KIF13A: variants seen among roughly 807,000 people sequenced by gnomAD.
KIF13A encodes kinesin-like protein KIF13A.
Under a neutral mutation model 212.2 loss-of-function variants are expected in KIF13A, and 79 were observed. The observed-to-expected ratio is 0.37, with a 90% CI of 0.31 to 0.45. KIF13A has a LOEUF of 0.45. Among genes scored for constraint, KIF13A ranks in the 20% least tolerant of loss-of-function variants. The pLI, the probability that KIF13A is intolerant of heterozygous loss-of-function variation, is 1.00. For synonymous variants in KIF13A, 789 were observed against 808.6 expected (o/e 0.98, Z 0.41); for missense variants, 1,901 against 2,209.0 (o/e 0.86, Z 2.79).
chr6:17,878,298 C>T (rs928808296), intron 3 of KIF13A, among the ~76,000 whole-genome samples: 8 of 152,160 alleles, frequency 5.3e-5, no homozygotes, highest in Admixed American at 2.6e-4. Flanking sequence ...CCTGTGTGTT[C>T]AAGGACTGTG....
At chr6:17,979,779 A>G (rs1780892799) in intron 2 of KIF13A, among the ~76,000 whole-genome samples, 2 of 151,794 alleles carry the variant, frequency 1.3e-5, no homozygotes, top group South Asian at 4.2e-4. Context: ...AAAAAAAAAA[A>G]GAGAGACTAA....
intron 3 of KIF13A, chr6:17,881,498 C>T (rs1184308436): frequency 2.3e-6 from 1 of 430,084 alleles, no homozygotes. Flanking sequence ...AGATCGAGAC[C>T]ATCCTGGCCA....
At chr6:17,790,880 A>G (rs928421377) in intron 25 of KIF13A, among the ~76,000 whole-genome samples, 3 of 152,350 alleles carry the variant, frequency 2.0e-5, no homozygotes, top group Non-Finnish European at 1.5e-5. Flanking sequence ...TGAAAGAATC[A>G]TAACTGTCCC....
Position 17,776,435 on chromosome 6 carries a change from C to T in KIF13A, c.4170+842G>A, listed in dbSNP as rs1309054836. ...TACATCCTAATTTCCATCATAATTT[C>T]TTCTTTGAGAAATGAGTTCATGAAA... On this transcript the variant is annotated intron_variant, in intron 34 of 38. Coordinates refer to ENST00000259711, the MANE Select transcript of KIF13A (RefSeq NM_022113.6). The surrounding 1 kb of genome is among the most constrained non-coding windows in gnomAD (Gnocchi z 4.6). Among the ~76,000 whole-genome samples the T allele has an allele frequency of 1.3e-5, 2 of 152,138 alleles. No homozygotes were observed. The highest frequency in any genetic ancestry group is 1.3e-4 in the Admixed American group (2 of 15,274).
In KIF13A at chr6:17,785,994, C is replaced by T. The variant is rs1275788192; in HGVS notation, c.3362-353G>A. On this transcript the variant is annotated intron_variant, in intron 27 of 38. Coordinates refer to ENST00000259711, the MANE Select transcript of KIF13A (RefSeq NM_022113.6). This position sits in a 1 kb window ranked among gnomAD's most constrained non-coding sequence, Gnocchi z 5.8. The stretch of plus-strand genomic sequence containing the variant: ...AAGTGGTTTAACCATCCACTATGTC[C>T]CTAAAATGGATTTGAGTCTTTGAAG... Among the ~76,000 whole-genome samples the T allele has an allele frequency of 6.6e-6, 1 of 152,136 alleles. No individual in the cohort carries two copies. Among genetic ancestry groups the T allele is most frequent in the Non-Finnish European group, 1.5e-5 (1 of 68,024 alleles).
At position 17,768,088 on chromosome 6, in the gene KIF13A, T is replaced by C. The variant is rs969213459; in HGVS notation, c.4581+3026A>G. On this transcript the variant is annotated intron_variant, in intron 38 of 38. Coordinates refer to ENST00000259711, the MANE Select transcript of KIF13A (RefSeq NM_022113.6). This position sits in a 1 kb window ranked among gnomAD's most constrained non-coding sequence, Gnocchi z 5.4. ...CCAATACTTAAAAGGAGATTGAATG[T>C]TTATTGAGTTATTGCCAATTAAGGG... Among the ~76,000 whole-genome samples the C allele has an allele frequency of 1.3e-5, 2 of 152,218 alleles. No individual in the cohort carries two copies. Among genetic ancestry groups the C allele is most frequent in the Admixed American group, 1.3e-4 (2 of 15,280 alleles).
chr6:17,955,202 G>A (rs1435021762), intron 2 of KIF13A, among the ~76,000 whole-genome samples: 2 of 152,160 alleles, frequency 1.3e-5, no homozygotes, highest in African/African-American at 4.8e-5. Context: ...TAATCTCCTT[G>A]ATGTACAAAC....
rs912290548 is a variant in KIF13A at position 17,900,841 on chromosome 6, G to A, written c.147-2661C>T. ...CACCTGTAATCCCAGCACTTTGGGA[G>A]GCTGAGGCAGGCGGATCACAAGTTC... On this transcript the variant is annotated intron_variant, in intron 2 of 38. Transcript: ENST00000259711. The surrounding 1 kb of genome is among the most constrained non-coding windows in gnomAD (Gnocchi z 4.6). Among the ~76,000 whole-genome samples, 3 of 152,138 alleles carry A rather than the reference G, an allele frequency of 2.0e-5. No individual in the cohort carries two copies. The highest frequency in any genetic ancestry group is 7.2e-5 in the African/African-American group (3 of 41,424).
Position 17,796,803 on chromosome 6 carries a change from T to C in KIF13A, c.2808A>G (p.Val936=), listed in dbSNP as rs1762073822. The C allele has an allele frequency of 6.4e-7, 1 of 1,567,928 alleles. No individual in the cohort carries two copies. The highest frequency in any genetic ancestry group is 8.7e-7 in the Non-Finnish European group (1 of 1,154,106). ...FSHCKDYVVN[V]TEEFLEFISD... Reference sequence around the variant, plus strand: ...AAATGAACTCCAGAAATTCTTCTGTTACATTCACCACATAGTCCTGGGATA... The same window carrying C: ...AAATGAACTCCAGAAATTCTTCTGTCACATTCACCACATAGTCCTGGGATA... Residue 936 remains valine (V), a synonymous_variant, in exon 23 of 39, where the codon GTA becomes GTG. Coordinates refer to ENST00000259711, the MANE Select transcript of KIF13A (RefSeq NM_022113.6).
Position 17,763,790 on chromosome 6 carries a change from T to C in KIF13A, c.*320A>G. The C allele has an allele frequency of 1.8e-6, 2 of 1,085,078 alleles. No homozygotes were observed. Among genetic ancestry groups the C allele is most frequent in the South Asian group, 3.2e-5 (1 of 31,034 alleles). The allele number at this position is 1,085,078 out of a possible 1,614,324, so 67.2% of individuals were successfully genotyped here. ...CAAAGGAATCACAGATTTGATGAAA[T>C]ATGGTAGATGCTACCAGAACACTTT... On this transcript the variant is annotated 3_prime_UTR_variant, in exon 39 of 39. Coordinates refer to ENST00000259711, the MANE Select transcript of KIF13A (RefSeq NM_022113.6).
rs1203097936 is a variant in KIF13A, at chr6:17,899,264, TA to T, written c.147-1085del. 6.6e-6 allele frequency among the ~76,000 whole-genome samples: 1 copy of T among 152,130 alleles called. No individual in the cohort carries two copies. The highest frequency in any genetic ancestry group is 1.5e-5 in the Non-Finnish European group (1 of 68,036). ...GACAGTTCTTGGCCTTCCTGATAGT[TA>T]CTCTTGATCAACCTCTGATATCCTC... On this transcript the variant is annotated intron_variant, in intron 2 of 38. Coordinates refer to ENST00000259711, the MANE Select transcript of KIF13A (RefSeq NM_022113.6). The surrounding 1 kb of genome is among the most constrained non-coding windows in gnomAD (Gnocchi z 5.2).
At position 17,899,396 on chromosome 6, in the gene KIF13A, T is replaced by A. The variant is rs1772860067; in HGVS notation, c.147-1216A>T. On this transcript the variant is annotated intron_variant, in intron 2 of 38. Transcript: ENST00000259711. The surrounding 1 kb of genome is among the most constrained non-coding windows in gnomAD (Gnocchi z 5.2). ...GAATCATGGGGCTAAGAAAGTAGAT[T>A]TTCCAGGGCAGAGGGCACGGAAAGG... is the stretch of plus-strand genomic sequence containing the variant. Among the ~76,000 whole-genome samples, 1 of 152,188 alleles carries A rather than the reference T, an allele frequency of 6.6e-6. No homozygotes were observed. The highest frequency in any genetic ancestry group is 2.4e-5 in the African/African-American group (1 of 41,450).
intron 3 of KIF13A, among the ~76,000 whole-genome samples, chr6:17,876,551 C>A (rs1385573203): frequency 1.3e-5 from 2 of 152,166 alleles, no homozygotes; most frequent in African/African-American, 4.8e-5. Context: ...ACTGTTTAGT[C>A]CTTTTTTATG....
At chr6:17,863,192 C>T (rs1285016190) in intron 4 of KIF13A, among the ~76,000 whole-genome samples, 1 of 152,054 alleles carries the variant, frequency 6.6e-6, no homozygotes, top group Non-Finnish European at 1.5e-5. Context: ...ACAGAGGTCC[C>T]ATTTAAAAAA....
rs1207325921 is a variant in KIF13A at position 17,877,022 on chromosome 6, T to C, written c.160-3585A>G. 2.6e-5 allele frequency among the ~76,000 whole-genome samples: 4 copies of C among 151,932 alleles called. No homozygotes were observed. The East Asian group carries it at 5.8e-4, about 22-fold the overall frequency. On this transcript the variant is annotated intron_variant, in intron 3 of 38. Transcript: ENST00000259711. Reference sequence around the variant, plus strand: ...TCATCTTTGAAGCCTGCAATGTTTATAGTAGTCACTTTATAATTACTTATT... The same window carrying C: ...TCATCTTTGAAGCCTGCAATGTTTACAGTAGTCACTTTATAATTACTTATT...
intron 2 of KIF13A, among the ~76,000 whole-genome samples, chr6:17,942,356 A>ATC (rs1777028076): frequency 7.3e-6 from 1 of 136,088 alleles, no homozygotes; most frequent in South Asian, 2.3e-4. Context: ...ATATATATAT[A>ATC]TATTTCTGTT....
At position 17,828,757 on chromosome 6, in the gene KIF13A, T is replaced by C. The variant is rs1332151533; in HGVS notation, c.1402-387A>G. On this transcript the variant is annotated intron_variant, in intron 13 of 38. Transcript: ENST00000259711. The surrounding 1 kb of genome is among the most constrained non-coding windows in gnomAD (Gnocchi z 4.3). ...TATCTATTTCACCTATTTAGATTTC[T>C]TTTAGGATCATCTGAGTTAACAGTG... Among the ~76,000 whole-genome samples the C allele has an allele frequency of 6.6e-6, 1 of 152,212 alleles. No individual in the cohort carries two copies. Among genetic ancestry groups the C allele is most frequent in the Non-Finnish European group, 1.5e-5 (1 of 68,030 alleles).
intron 2 of KIF13A, among the ~76,000 whole-genome samples, chr6:17,960,891 TTTCA>T (rs1406764100): frequency 6.6e-6 from 1 of 152,350 alleles, no homozygotes; most frequent in East Asian, 1.9e-4. Context: ...TCATTCATTC[TTTCA>T]TTGTTTTTGA....
At chr6:17,779,479 T>A in intron 32 of KIF13A, 113 bp downstream of exon 32, 1 of 484,542 alleles carries the variant, frequency 2.1e-6, no homozygotes, top group Non-Finnish European at 3.8e-6. Context: ...TCCATGTTGG[T>A]CAGGCTGGTC....
Sources: gnomAD v4.1 joint callset for allele counts (sites outside exome capture counted in the v4.1 genomes callset) on GRCh38, gnomAD v4.1.1 for gene constraint, Gnocchi (gnomAD v3.1) non-coding constraint, MANE v1.5 for transcripts, NCBI Gene and HGNC (gene_info 2026-07-23, HGNC 2026-07-21) for gene names.